Variants in CLVS1 observed in about 807,000 individuals in gnomAD.
The protein encoded by CLVS1 is clavesin 1.
A neutral mutation model predicts 33.1 loss-of-function variants in CLVS1; 10 were observed. The ratio of observed to expected loss-of-function variants is 0.30; its 90% confidence interval spans 0.19 to 0.51. The LOEUF (loss-of-function observed/expected upper bound fraction) is 0.51. Among genes scored for constraint, CLVS1 ranks in the 20% least tolerant of loss-of-function variants. The pLI is 0.97. For synonymous variants in CLVS1, 163 were observed against 166.1 expected, an observed-to-expected ratio of 0.98 and a Z score of 0.14; for missense variants, 343 against 433.4, an observed-to-expected ratio of 0.79 and a Z score of 1.85.
intron 1 of CLVS1, among the ~76,000 whole-genome samples, chr8:61,103,880 T>C: frequency 6.6e-6 from 1 of 152,186 alleles, no homozygotes; most frequent in East Asian, 1.9e-4. Flanking sequence ...CCTGGATGGG[T>C]GGGGATTTAT....
At chr8:61,085,615 G>GCCACC (rs1805102742) in intron 1 of CLVS1, among the ~76,000 whole-genome samples, 1 of 152,046 alleles carries the variant, frequency 6.6e-6, no homozygotes, top group Non-Finnish European at 1.5e-5. Context: ...ACCTGGCGGA[G>GCCACC]TGCGGTGGCT....
At chr8:61,048,190 G>A in the CLVS1 span, among the ~76,000 whole-genome samples, 17 of 152,160 alleles carry the variant, frequency 1.1e-4, no homozygotes, top group Non-Finnish European at 2.1e-4. Flanking sequence ...GGTAACAAGG[G>A]CTCAGATCCT....
intron 2 of CLVS1, among the ~76,000 whole-genome samples, chr8:61,356,412 T>C (rs577884145): frequency 6.6e-6 from 1 of 151,902 alleles, no homozygotes. Context: ...GAAGCTCTTT[T>C]GTTTAATTAG....
intron 3 of CLVS1, among the ~76,000 whole-genome samples, chr8:61,385,653 A>G: frequency 6.6e-6 from 1 of 152,220 alleles, no homozygotes; most frequent in East Asian, 1.9e-4. Context: ...TGTCATGAAA[A>G]CTATCACTTT....
chr8:61,347,639 T>C (rs1812270000), intron 2 of CLVS1, among the ~76,000 whole-genome samples: 1 of 5,714 alleles, frequency 1.8e-4, no homozygotes, highest in East Asian at 4.5e-3. Context: ...TATATATATA[T>C]ATATATATAT....
At chr8:61,017,238 C>A in the CLVS1 span, among the ~76,000 whole-genome samples, 1 of 152,218 alleles carries the variant, frequency 6.6e-6, no homozygotes, top group Non-Finnish European at 1.5e-5. Context: ...GGCTTTCCTG[C>A]ATTGATTTTT....
the CLVS1 span, among the ~76,000 whole-genome samples, chr8:60,995,895 A>G: frequency 2.6e-5 from 4 of 152,260 alleles, no homozygotes; most frequent in African/African-American, 7.2e-5. Flanking sequence ...CATCGTTCTC[A>G]GTAAACTATC....
At chr8:60,995,663 T>G in the CLVS1 span, among the ~76,000 whole-genome samples, 1 of 152,210 alleles carries the variant, frequency 6.6e-6, no homozygotes, top group Non-Finnish European at 1.5e-5. Context: ...CATTACTGGG[T>G]ATATACCCAA....
chr8:61,349,315 C>T (rs1414983930), intron 2 of CLVS1, among the ~76,000 whole-genome samples: 1 of 151,944 alleles, frequency 6.6e-6, no homozygotes, highest in Non-Finnish European at 1.5e-5. Context: ...GAGCTTTTCC[C>T]CTATAATTTG....
intron 2 of CLVS1, among the ~76,000 whole-genome samples, chr8:61,190,560 C>T (rs907512212): frequency 6.6e-6 from 1 of 152,078 alleles, no homozygotes; most frequent in African/African-American, 2.4e-5. Flanking sequence ...ACAAACATCC[C>T]TTCAAAAAAT....
At chr8:61,472,075 A>C (rs1366149709) in intron 5 of CLVS1, among the ~76,000 whole-genome samples, 1 of 152,080 alleles carries the variant, frequency 6.6e-6, no homozygotes, top group African/African-American at 2.4e-5. Context: ...GGTGCAGTTT[A>C]TACCTCCACT....
the CLVS1 span, among the ~76,000 whole-genome samples, chr8:60,994,159 T>C: frequency 0.066 from 10,014 of 152,272 alleles, 392 homozygotes; most frequent in African/African-American, 0.087. Flanking sequence ...TCTCCTTGGC[T>C]TGCAGATGGC....
intron 5 of CLVS1, among the ~76,000 whole-genome samples, chr8:61,485,975 A>C (rs1379639936): frequency 6.6e-6 from 1 of 152,162 alleles, no homozygotes; most frequent in Non-Finnish European, 1.5e-5. Context: ...GAGGGATAGC[A>C]TTAGGAGTTA....
At chr8:61,141,317 C>T (rs201655208) in intron 2 of CLVS1, among the ~76,000 whole-genome samples, 1 of 152,170 alleles carries the variant, frequency 6.6e-6, no homozygotes, top group East Asian at 1.9e-4. Context: ...ACCTTATAAC[C>T]TCAGTTGTAT....
intron 2 of CLVS1, among the ~76,000 whole-genome samples, chr8:61,162,662 C>G (rs766884392): frequency 1.3e-5 from 2 of 152,210 alleles, no homozygotes; most frequent in Non-Finnish European, 2.9e-5. Flanking sequence ...AGTATGAGCA[C>G]TCATCTTATC....
intron 2 of CLVS1, among the ~76,000 whole-genome samples, chr8:61,139,178 C>T (rs537936857): frequency 6.6e-6 from 1 of 152,270 alleles, no homozygotes; most frequent in African/African-American, 2.4e-5. Context: ...GGCTCATCGC[C>T]TGGCGCCGCC....
At chr8:61,064,116 C>T (rs1804633200) in intron 1 of CLVS1, among the ~76,000 whole-genome samples, 1 of 152,208 alleles carries the variant, frequency 6.6e-6, no homozygotes, top group Non-Finnish European at 1.5e-5. Context: ...TTTGTTTACC[C>T]ATCCACCTCT....
chr8:61,168,422 A>G (rs1043972149), intron 2 of CLVS1, among the ~76,000 whole-genome samples: 4 of 152,262 alleles, frequency 2.6e-5, no homozygotes, highest in Non-Finnish European at 4.4e-5. Flanking sequence ...TGGTCAGGCC[A>G]AGTATAACAA....
intron 2 of CLVS1, among the ~76,000 whole-genome samples, chr8:61,199,556 G>A (rs772749480): frequency 3.3e-5 from 5 of 152,110 alleles, no homozygotes; most frequent in Non-Finnish European, 5.9e-5. Flanking sequence ...TCCACAATAA[G>A]ATACCACCTT....
Sources: allele counts gnomAD v4.1 joint callset (sites outside exome capture counted in the v4.1 genomes callset), GRCh38; gene constraint gnomAD v4.1.1; transcripts MANE v1.5; gene names NCBI Gene and HGNC (gene_info 2026-07-23, HGNC 2026-07-21).